ACOT9: variants seen among roughly 807,000 people sequenced by gnomAD.
ACOT9 encodes the protein acyl-coenzyme A thioesterase 9, mitochondrial.
Under a neutral mutation model 39.7 loss-of-function variants are expected in ACOT9, and 34 were observed. The ratio of observed to expected loss-of-function variants is 0.86; its 90% CI spans 0.65 to 1.14. The LOEUF is 1.14. ACOT9 is among the 50% of genes most tolerant of loss of function. The pLI, the probability that ACOT9 is intolerant of heterozygous loss-of-function variation, is 0.00. For synonymous variants in ACOT9, 110 were observed against 120.5 expected (o/e 0.91, Z 0.57); for missense variants, 313 against 344.1 (o/e 0.91, Z 0.71).
intron 1 of ACOT9, among the ~76,000 whole-genome samples, chrX:23,740,748 A>G (rs1319824074): frequency 2.0e-5 from 1 of 49,248 alleles, no homozygotes; most frequent in African/African-American, 1.5e-4. Flanking sequence ...ACACACACAC[A>G]CACACACACA....
At chrX:23,731,564 G>C (rs1226735586) in intron 4 of ACOT9, among the ~76,000 whole-genome samples, 1 of 108,292 alleles carries the variant, frequency 9.2e-6, no homozygotes, top group Non-Finnish European at 1.9e-5. Context: ...TTTACTCAAA[G>C]ACCAGAATAT....
At chrX:23,713,809 A>AT (rs998654486) in intron 8 of ACOT9, among the ~76,000 whole-genome samples, 1 of 110,617 alleles carries the variant, frequency 9.0e-6, no homozygotes, top group African/African-American at 3.3e-5. Context: ...AGATGAGAGG[A>AT]TTGCCTGAGA....
At chrX:23,731,214 G>A (rs775730234) in intron 4 of ACOT9, among the ~76,000 whole-genome samples, 8 of 112,141 alleles carry the variant, frequency 7.1e-5, no homozygotes, top group South Asian at 3.7e-4. Context: ...AGTGTCTCAC[G>A]CCTGTAATCC....
At position 23,730,821 on chromosome X, in the gene ACOT9, G is replaced by A. The variant is rs534564167; in HGVS notation, c.357C>T (p.Thr119=). The part of the protein sequence containing the change: ...LREKYLTVQN[T]VRFGRILEDL... Reference sequence around the variant, plus strand: ...TAAAAATAGCACTGTGTTACCTTACGGTGTTTTGAACAGTCAAATATTTCT... The same window carrying A: ...TAAAAATAGCACTGTGTTACCTTACAGTGTTTTGAACAGTCAAATATTTCT... The change falls in exon 5 of 16, where the codon ACC becomes ACT. Residue 119 remains threonine, a synonymous_variant. Coordinates refer to ENST00000379303, the MANE Select transcript of ACOT9 (RefSeq NM_001037171.2). 1.8e-5 allele frequency: 21 copies of A among 1,196,697 alleles called. No homozygotes were observed. Among genetic ancestry groups the A allele is most frequent in the South Asian group, 1.7e-4 (9 of 54,501 alleles).
chrX:23,741,111 AAAGTAT>A (rs1930130261), intron 1 of ACOT9, among the ~76,000 whole-genome samples: 1 of 109,368 alleles, frequency 9.1e-6, no homozygotes, highest in Non-Finnish European at 1.9e-5. Flanking sequence ...CCCTAAACTT[AAAGTAT>A]AATAATAATA....
At chrX:23,712,140 C>G (rs1316348210) in intron 9 of ACOT9, among the ~76,000 whole-genome samples, 1 of 111,390 alleles carries the variant, frequency 9.0e-6, no homozygotes, top group African/African-American at 3.3e-5. Context: ...TGGCTCACGC[C>G]TGTAATCTCA....
rs768203608 is a variant in ACOT9 at position 23,705,046 on chromosome X, T to C, written c.1054A>G (p.Ile352Val). The C allele has an allele frequency of 7.4e-6, 9 of 1,211,381 alleles. No homozygotes were observed. In the South Asian group the frequency reaches 1.6e-4, roughly 21 times the overall value. ...SRPFVVAVDDIMFQKPVEVGS... is the reference protein window; with the variant it reads ...SRPFVVAVDDVMFQKPVEVGS... ...ACCTCAACAGGTTTCTGAAACATGATGTCATCTACTGCTACCACAAACGGT... is the reference window on the plus strand; with the variant it reads ...ACCTCAACAGGTTTCTGAAACATGACGTCATCTACTGCTACCACAAACGGT... Residue 352 changes from isoleucine (I) to valine (V), a missense_variant, in exon 14 of 16, where the codon ATC (isoleucine) becomes GTC (valine). Coordinates refer to ENST00000379303, the MANE Select transcript of ACOT9 (RefSeq NM_001037171.2).
Position 23,733,140 on chromosome X carries a change from T to A in ACOT9, c.191+32A>T. 13 of 1,186,573 alleles carry A rather than the reference T, an allele frequency of 1.1e-5. No homozygotes were observed. In the South Asian group the frequency reaches 2.1e-4, roughly 20 times the overall value. On this transcript the variant is annotated intron_variant, in intron 4 of 15. Transcript: ENST00000379303. ...ACAGTGTAGTATAATACCTTGGGGA[T>A]GAAAAGAATGAATGAAAACAAAGAT...
At chrX:23,705,459 G>T (rs914824964) in intron 13 of ACOT9, 50 bp downstream of exon 13, 11 of 988,074 alleles carry the variant, frequency 1.1e-5, no homozygotes, top group African/African-American at 1.9e-5. Flanking sequence ...TTTCAGTGGG[G>T]TGATATAAAT....
chrX:23,710,361 C>G (rs984033309), intron 9 of ACOT9, among the ~76,000 whole-genome samples: 1 of 111,697 alleles, frequency 9.0e-6, no homozygotes, highest in African/African-American at 3.2e-5. Flanking sequence ...ATGGCTGACT[C>G]CAGGCCTGGG....
At chrX:23,728,815 G>A (rs1929624667) in intron 6 of ACOT9, among the ~76,000 whole-genome samples, 1 of 111,335 alleles carries the variant, frequency 9.0e-6, no homozygotes, top group African/African-American at 3.3e-5. Flanking sequence ...CTGGGGCAGG[G>A]AAAAGCATAA....
At chrX:23,726,145 A>G (rs897085100) in intron 6 of ACOT9, among the ~76,000 whole-genome samples, 14 of 111,214 alleles carry the variant, frequency 1.3e-4, no homozygotes, top group Non-Finnish European at 7.5e-5. Flanking sequence ...GGATGCAGTG[A>G]GCTGAGATAG....
intron 15 of ACOT9, among the ~76,000 whole-genome samples, chrX:23,704,250 A>C (rs1341651764): frequency 2.0e-5 from 2 of 100,963 alleles, no homozygotes; most frequent in African/African-American, 7.4e-5. Context: ...AGCTCACTGC[A>C]AGCTCCGCCT....
intron 13 of ACOT9, 68 bp downstream of exon 13, chrX:23,705,441 A>G: frequency 8.9e-6 from 8 of 903,120 alleles, no homozygotes; most frequent in Non-Finnish European, 1.3e-5. Context: ...CTGGTCCGAA[A>G]TGTTTCATTT....
intron 9 of ACOT9, among the ~76,000 whole-genome samples, chrX:23,708,422 C>T (rs1365130787): frequency 2.7e-5 from 3 of 109,700 alleles, no homozygotes; most frequent in Non-Finnish European, 5.7e-5. Flanking sequence ...CCCAGCTACT[C>T]GGGAGGCTGA....
rs1029123607 is a variant in ACOT9 at position 23,702,946 on chromosome X, G to A, written c.*948C>T. The A allele has an allele frequency of 4.5e-5, 5 of 111,567 alleles. No homozygotes were observed. The highest frequency in any genetic ancestry group is 5.6e-5 in the Non-Finnish European group (3 of 53,257). The allele number at this position is 111,567 out of a possible 1,213,427, so 9.2% of individuals were successfully genotyped here. ...TTTTTTAAATCAGATATATCCTGCG[G>A]AGCCACTAGCAGAATGTGCTAAATA... On this transcript the variant is annotated 3_prime_UTR_variant, in exon 16 of 16. Coordinates refer to ENST00000379303, the MANE Select transcript of ACOT9 (RefSeq NM_001037171.2).
At position 23,702,872 on chromosome X, in the gene ACOT9, C is replaced by T. The variant is rs1294200088; in HGVS notation, c.*1022G>A. On this transcript the variant is annotated 3_prime_UTR_variant, in exon 16 of 16. Transcript: ENST00000379303. ...GGCTGAGGATGGTGCCTATCTAGCACATGGCAATGCTCCATAAGCATAAGC... is the reference window on the plus strand; with the variant it reads ...GGCTGAGGATGGTGCCTATCTAGCATATGGCAATGCTCCATAAGCATAAGC... 1 of 112,107 alleles carries T rather than the reference C, an allele frequency of 8.9e-6. No homozygotes were observed. Among genetic ancestry groups the T allele is most frequent in the Non-Finnish European group, 1.9e-5 (1 of 53,262 alleles). 9.2% of individuals were successfully genotyped at this position (112,107 alleles called of 1,213,427 possible).
rs185554747 is a variant in ACOT9 at position 23,730,389 on chromosome X, G to A, written c.400+138C>T. 2.5e-4 allele frequency: 125 copies of A among 494,498 alleles called. 2 individuals carry two copies. Among genetic ancestry groups the A allele is most frequent in the Admixed American group, 7.7e-4 (20 of 26,118 alleles). The allele number at this position is 494,498 out of a possible 1,213,427, so 40.8% of individuals were successfully genotyped here. A position where few individuals can be genotyped will look rare whatever the true frequency, so the allele number is the denominator to read the frequency against. ...ATTACAGGCATGAGCCACCACGCCC[G>A]GCCGATGTCCTTCTTTTTTTGTGCA... On this transcript the variant is annotated intron_variant, in intron 6 of 15. Coordinates refer to ENST00000379303, the MANE Select transcript of ACOT9 (RefSeq NM_001037171.2).
intron 1 of ACOT9, among the ~76,000 whole-genome samples, chrX:23,741,494 A>G (rs1920963865): frequency 9.0e-6 from 1 of 110,946 alleles, no homozygotes; most frequent in Non-Finnish European, 1.9e-5. Flanking sequence ...TACCACTCAT[A>G]TGCCCTCCAC....
Sources: allele counts gnomAD v4.1 joint callset (sites outside exome capture counted in the v4.1 genomes callset), GRCh38; gene constraint gnomAD v4.1.1; transcripts MANE v1.5; gene names NCBI Gene and HGNC (gene_info 2026-07-23, HGNC 2026-07-21).